The following MAP1B variants were observed in gnomAD, a reference collection of about 807,000 sequenced individuals.
MAP1B encodes the protein microtubule associated protein 1B.
A neutral mutation model predicts 176.1 loss-of-function variants in MAP1B; 12 were observed. The observed-to-expected ratio is 0.07, with a 90% CI of 0.04 to 0.11. The LOEUF is 0.11. Ranked by LOEUF, MAP1B falls within the 10% of genes least tolerant of loss-of-function variation. The pLI is 1.00. For missense variants in MAP1B, 2,523 were observed against 2,990.5 expected, an observed-to-expected ratio of 0.84 and a Z score of 3.65; for synonymous variants, 1,044 against 1,135.0, an observed-to-expected ratio of 0.92 and a Z score of 1.61.
Position 72,127,098 on chromosome 5 carries a change from T to G in MAP1B, c.286+11299T>G, listed in dbSNP as rs1378700701. Reference sequence around the variant, plus strand: ...TTGGAAGGAGGCTGAAGATTGAACCTCAAGAGTTCTAGGGATTATCTGCAG... The same window carrying G: ...TTGGAAGGAGGCTGAAGATTGAACCGCAAGAGTTCTAGGGATTATCTGCAG... On this transcript the variant is annotated intron_variant, in intron 2 of 6. Transcript: ENST00000296755. 5.9e-5 allele frequency among the ~76,000 whole-genome samples: 9 copies of G among 152,366 alleles called. 1 individual carries two copies. The East Asian group carries it at 1.2e-3, about 20-fold the overall frequency.
Position 72,196,017 on chromosome 5 carries a change from C to T in MAP1B, c.2662C>T (p.Pro888Ser). ...IQKEREVTKG[P>S]AESPDEGITT... ...GAAGGAGAGAGAAGTCACCAAAGGT[C>T]CTGCCGAGTCCCCTGATGAGGGAAT... The change falls in exon 5 of 7, where the codon CCT (proline) becomes TCT (serine). Residue 888 changes from proline to serine, a missense_variant. Physicochemically the swap from Pro to Ser is moderately conservative, Grantham distance 74. Around this residue, in one of 4 missense-constraint regions of MAP1B, gnomAD observed 1,925 missense variants for 2,126.0 expected, o/e 0.91. Transcript: ENST00000296755. This position sits in a 1 kb window ranked among gnomAD's most constrained non-coding sequence, Gnocchi z 5.3. The T allele has an allele frequency of 6.2e-7, 1 of 1,614,216 alleles. No homozygotes were observed. The highest frequency in any genetic ancestry group is 8.5e-7 in the Non-Finnish European group (1 of 1,180,036).
chr5:72,107,491 GC>G lies in MAP1B; in HGVS notation c.-39del. 6.6e-7 allele frequency: 1 copy of G among 1,507,740 alleles called. No individual in the cohort carries two copies. The highest frequency in any genetic ancestry group is 8.9e-7 in the Non-Finnish European group (1 of 1,126,860). 93.4% of individuals were successfully genotyped at this position (1,507,740 alleles called of 1,614,324 possible). A position where few individuals can be genotyped will look rare whatever the true frequency, so the allele number is the denominator to read the frequency against. Reference sequence around the variant, plus strand: ...TCTCCTGCCGCAGTGGAGAGGAGCGGCCGGAGCGAGACACTTCGCCGAGGCA... The same window carrying G: ...TCTCCTGCCGCAGTGGAGAGGAGCGGCGGAGCGAGACACTTCGCCGAGGCA... On this transcript the variant is annotated 5_prime_UTR_variant, in exon 1 of 7. Coordinates refer to ENST00000296755, the MANE Select transcript of MAP1B (RefSeq NM_005909.5).
rs149793217 is a variant in MAP1B, at chr5:72,158,233, A to G, written c.287-25510A>G. Reference sequence around the variant, plus strand: ...CTATATTGTCCAGGGTGGTCTCGAAATCCTGACCTTGTGATCCGCTCACCT... The same window carrying G: ...CTATATTGTCCAGGGTGGTCTCGAAGTCCTGACCTTGTGATCCGCTCACCT... On this transcript the variant is annotated intron_variant, in intron 2 of 6. Transcript: ENST00000296755. Among the ~76,000 whole-genome samples the G allele has an allele frequency of 6.6e-3, 983 of 148,830 alleles. 9 individuals carry two copies. Among genetic ancestry groups the G allele is most frequent in the African/African-American group, 0.023 (934 of 40,542 alleles).
At chr5:72,180,394 T>G (rs1210849060) in intron 2 of MAP1B, among the ~76,000 whole-genome samples, 1 of 152,210 alleles carries the variant, frequency 6.6e-6, no homozygotes, top group Non-Finnish European at 1.5e-5. Context: ...TTTGAAGCTC[T>G]TGAAATCTTT....
At chr5:72,151,816 G>A (rs1406403464) in intron 2 of MAP1B, among the ~76,000 whole-genome samples, 1 of 152,138 alleles carries the variant, frequency 6.6e-6, no homozygotes, top group African/African-American at 2.4e-5. Flanking sequence ...AATAATCATT[G>A]TGTCATCACT....
intron 2 of MAP1B, among the ~76,000 whole-genome samples, chr5:72,166,406 G>T (rs757215306): frequency 2.6e-5 from 4 of 152,086 alleles, no homozygotes; most frequent in Non-Finnish European, 5.9e-5. Flanking sequence ...TACACGATGG[G>T]CATCTGTTTG....
intron 2 of MAP1B, among the ~76,000 whole-genome samples, chr5:72,128,971 T>C (rs527237673): frequency 6.6e-5 from 10 of 152,296 alleles, no homozygotes; most frequent in South Asian, 2.1e-4. Context: ...ATTTTTTAAA[T>C]AGACAATTGC....
intron 3 of MAP1B, among the ~76,000 whole-genome samples, chr5:72,184,913 A>T (rs1240561102): frequency 1.3e-5 from 2 of 152,130 alleles, no homozygotes; most frequent in Non-Finnish European, 2.9e-5. Flanking sequence ...CATCACCCTT[A>T]TCTAATTCTA....
At chr5:72,137,407 A>G (rs1200281766) in intron 2 of MAP1B, among the ~76,000 whole-genome samples, 1 of 152,200 alleles carries the variant, frequency 6.6e-6, no homozygotes, top group East Asian at 1.9e-4. Context: ...AAATTAAATC[A>G]TATTTTCTAG....
At chr5:72,154,737 C>A (rs1746199085) in intron 2 of MAP1B, among the ~76,000 whole-genome samples, 1 of 152,182 alleles carries the variant, frequency 6.6e-6, no homozygotes, top group Non-Finnish European at 1.5e-5. Context: ...GGCCTCTTTC[C>A]CCAGATCTGC....
chr5:72,193,004 C>T (rs1747057013), intron 4 of MAP1B, among the ~76,000 whole-genome samples: 1 of 152,170 alleles, frequency 6.6e-6, no homozygotes, highest in Non-Finnish European at 1.5e-5. Context: ...CCAACTTGCC[C>T]TGAAAAGAAT....
intron 2 of MAP1B, among the ~76,000 whole-genome samples, chr5:72,138,815 G>A (rs1745885714): frequency 6.6e-6 from 1 of 152,118 alleles, no homozygotes; most frequent in Non-Finnish European, 1.5e-5. Flanking sequence ...TCTTTTCCTT[G>A]ACACCCAATT....
intron 2 of MAP1B, among the ~76,000 whole-genome samples, chr5:72,117,009 C>G (rs925144597): frequency 6.6e-5 from 10 of 152,024 alleles, no homozygotes; most frequent in African/African-American, 2.4e-4. Flanking sequence ...AAATCCCATA[C>G]ATTTCAGTTA....
At position 72,197,566 on chromosome 5, in the gene MAP1B, T is replaced by C. The variant is rs757689574; in HGVS notation, c.4211T>C (p.Ile1404Thr). The part of the protein sequence containing the change: ...VLSPLRSPPL[I>T]GSESAYESFL... Reference sequence around the variant, plus strand: ...TCTCCTTTACGCAGCCCGCCCCTCATTGGATCCGAGTCTGCTTATGAAAGT... The same window carrying C: ...TCTCCTTTACGCAGCCCGCCCCTCACTGGATCCGAGTCTGCTTATGAAAGT... The change falls in exon 5 of 7, where the codon ATT (isoleucine) becomes ACT (threonine). Residue 1404 changes from isoleucine to threonine, a missense_variant. Coordinates refer to ENST00000296755, the MANE Select transcript of MAP1B (RefSeq NM_005909.5). 1.2e-5 allele frequency: 20 copies of C among 1,614,054 alleles called. No individual in the cohort carries two copies. In the Middle Eastern group the frequency reaches 4.9e-4, roughly 40 times the overall value.
chr5:72,115,698 G>T lies in MAP1B; in HGVS notation c.185G>T (p.Gly62Val), dbSNP rs546117330. The T allele has an allele frequency of 6.3e-7, 1 of 1,591,302 alleles. No homozygotes were observed. Among genetic ancestry groups the T allele is most frequent in the Non-Finnish European group, 8.6e-7 (1 of 1,159,284 alleles). Residue 62 changes from glycine to valine, a missense_variant and splice_region_variant, in exon 2 of 7, where the codon GGA (glycine) becomes GTA (valine). Transcript: ENST00000296755. ...LRRAIGNIEL[G>V]IRSWDTNLIE... ...CAACTGTCTTTCTTTCCCTCCCTAG[G>T]AATCCGATCATGGGACACAAACCTG... is the stretch of plus-strand genomic sequence containing the variant.
At position 72,197,861 on chromosome 5, in the gene MAP1B, C is replaced by T. The variant is rs1449880267; in HGVS notation, c.4506C>T (p.Pro1502=). The T allele has an allele frequency of 5.0e-6, 8 of 1,614,208 alleles. No individual in the cohort carries two copies. The highest frequency in any genetic ancestry group is 5.9e-6 in the Non-Finnish European group (7 of 1,180,030). The change falls in exon 5 of 7, where the codon CCC becomes CCT. Residue 1502 remains proline (P), a synonymous_variant. Coordinates refer to ENST00000296755, the MANE Select transcript of MAP1B (RefSeq NM_005909.5). ...LDERKLGDVS[P]TQIDVSQFGS... is the part of the protein sequence containing the mutation. ...AAAGGAAATTAGGAGATGTTTCTCC[C>T]ACACAAATAGATGTCAGTCAGTTTG... is the stretch of plus-strand genomic sequence containing the variant.
At position 72,195,060 on chromosome 5, in the gene MAP1B, A is replaced by G; in HGVS notation, c.1705A>G (p.Thr569Ala). The change falls in exon 5 of 7, where the codon ACA (threonine) becomes GCA (alanine). Residue 569 changes from threonine (T) to alanine (A), a missense_variant. Thr to Ala is a moderately conservative substitution (Grantham distance 58). This residue lies in a region of MAP1B where 1,925 missense variants were observed against 2,126.0 expected (regional missense o/e 0.91). Transcript: ENST00000296755. The part of the protein sequence containing the change: ...KESKEETPEV[T>A]KVNHVEKPPK... ...GTCAAAAGAAGAAACCCCTGAGGTC[A>G]CAAAAGTGAATCACGTGGAAAAGCC... The G allele has an allele frequency of 6.2e-7, 1 of 1,614,174 alleles. No homozygotes were observed. The highest frequency in any genetic ancestry group is 1.1e-5 in the South Asian group (1 of 91,078).
chr5:72,199,234 G>A lies in MAP1B; in HGVS notation c.5879G>A (p.Ser1960Asn). The A allele has an allele frequency of 6.2e-7, 1 of 1,614,040 alleles. No homozygotes were observed. The highest frequency in any genetic ancestry group is 1.3e-5 in the African/African-American group (1 of 75,006). The change falls in exon 5 of 7, where the codon AGT becomes AAT. Residue 1960 changes from serine (S) to asparagine (N), a missense_variant. Ser to Asn is a conservative substitution (Grantham distance 46). Transcript: ENST00000296755. The surrounding 1 kb of genome is among the most constrained non-coding windows in gnomAD (Gnocchi z 4.2). ...GAGGGTGGGTACTCATATGACATAAGTGAAAAGACCACCAGCCCCCCCGAA... is the reference window on the plus strand; with the variant it reads ...GAGGGTGGGTACTCATATGACATAAATGAAAAGACCACCAGCCCCCCCGAA... ...PEEGGYSYDI[S>N]EKTTSPPEVS...
rs1351384936 is a variant in MAP1B at position 72,197,745 on chromosome 5, G to T, written c.4390G>T (p.Asp1464Tyr). The T allele has an allele frequency of 2.5e-6, 4 of 1,614,176 alleles. No individual in the cohort carries two copies. Among genetic ancestry groups the T allele is most frequent in the South Asian group, 1.1e-5 (1 of 91,072 alleles). ...YQDKQEGKST[D>Y]FAPIKEDFGQ... ...AGACAAACAGGAAGGGAAAAGCACA[G>T]ACTTTGCACCAATAAAAGAAGACTT... Residue 1464 changes from aspartate to tyrosine, a missense_variant, in exon 5 of 7, where the codon GAC becomes TAC. Asp to Tyr is a radical substitution (Grantham distance 160). Coordinates refer to ENST00000296755, the MANE Select transcript of MAP1B (RefSeq NM_005909.5).
Sources: allele counts gnomAD v4.1 joint callset (sites outside exome capture counted in the v4.1 genomes callset), GRCh38; gene constraint gnomAD v4.1.1; regional missense constraint gnomAD v4.1.1; non-coding constraint Gnocchi (gnomAD v3.1); transcripts MANE v1.5; gene names NCBI Gene and HGNC (gene_info 2026-07-23, HGNC 2026-07-21).